Variants in FAM177A1 observed in about 807,000 individuals in gnomAD.
FAM177A1 encodes the protein protein FAM177A1.
FAM177A1 carries 22 observed loss-of-function variants against 26.1 expected under a neutral mutation model. The observed-to-expected ratio is 0.84, with a 90% CI of 0.60 to 1.20. The LOEUF is 1.20. FAM177A1 is among the 50% of genes most tolerant of loss of function. FAM177A1 has a pLI of 0.00. For synonymous variants in FAM177A1, 95 were observed against 99.3 expected (o/e 0.96, Z 0.26); for missense variants, 296 against 291.1 (o/e 1.02, Z -0.12).
chr14:35,070,332 TA>T (rs1162597532), intron 2 of FAM177A1, among the ~76,000 whole-genome samples: 2 of 147,546 alleles, frequency 1.4e-5, no homozygotes, highest in Admixed American at 6.8e-5. Context: ...CCTATAACAA[TA>T]TTTTTTTTTT....
At chr14:35,049,399 G>T (rs2139055564) in intron 1 of FAM177A1, among the ~76,000 whole-genome samples, 1 of 152,272 alleles carries the variant, frequency 6.6e-6, no homozygotes, top group Non-Finnish European at 1.5e-5. Flanking sequence ...TAGCCTAGTT[G>T]GGGAAGATGA....
chr14:35,071,479 A>C (rs1034074942), intron 2 of FAM177A1, among the ~76,000 whole-genome samples: 5 of 152,042 alleles, frequency 3.3e-5, no homozygotes, highest in African/African-American at 9.7e-5. Flanking sequence ...AAGACACAAG[A>C]TCTTGTCCCA....
At chr14:35,072,167 C>T (rs1403231547) in intron 2 of FAM177A1, among the ~76,000 whole-genome samples, 4 of 151,718 alleles carry the variant, frequency 2.6e-5, no homozygotes, top group South Asian at 2.1e-4. Flanking sequence ...CCCAGCTACT[C>T]GGGAGTCTGA....
intron 2 of FAM177A1, among the ~76,000 whole-genome samples, chr14:35,063,789 C>T (rs1366559262): frequency 2.0e-5 from 3 of 151,864 alleles, no homozygotes; most frequent in Admixed American, 2.0e-4. Flanking sequence ...CCTGTAATCC[C>T]AGCACTTTGG....
chr14:35,046,422 C>T lies in FAM177A1; in HGVS notation c.-42C>T, dbSNP rs768447281. 6.7e-7 allele frequency: 1 copy of T among 1,489,624 alleles called. No homozygotes were observed. The highest frequency in any genetic ancestry group is 1.4e-5 in the African/African-American group (1 of 69,666). 92.3% of individuals were successfully genotyped at this position (1,489,624 alleles called of 1,614,324 possible). A position where few individuals can be genotyped will look rare whatever the true frequency, so the allele number is the denominator to read the frequency against. ...CGCTGGGCGGGTGAGTCCCACTTCC[C>T]GACAGCCTGGCTCGGCCAGCGACTG... On this transcript the variant is annotated 5_prime_UTR_variant, in exon 1 of 5. Coordinates refer to ENST00000280987, the MANE Select transcript of FAM177A1 (RefSeq NM_173607.5).
chr14:35,070,307 A>G (rs542909987), intron 2 of FAM177A1, among the ~76,000 whole-genome samples: 309 of 151,384 alleles, frequency 2.0e-3, no homozygotes, highest in African/African-American at 7.2e-3. Context: ...TACAGGCATG[A>G]GCCACCGTGT....
intron 2 of FAM177A1, 103 bp from the exon 3 acceptor site, chr14:35,077,047 A>G (rs2045406881): frequency 4.6e-6 from 4 of 863,638 alleles, no homozygotes; most frequent in Non-Finnish European, 7.9e-6. Context: ...TACTGCCTAT[A>G]GAATATTCTC....
intron 2 of FAM177A1, among the ~76,000 whole-genome samples, chr14:35,063,421 AC>A (rs996479896): frequency 2.6e-5 from 4 of 151,390 alleles, no homozygotes; most frequent in African/African-American, 9.7e-5. Context: ...AAAAAAAAAT[AC>A]AAAAAATTAG....
intron 2 of FAM177A1, among the ~76,000 whole-genome samples, chr14:35,067,474 A>G (rs1166875114): frequency 6.6e-6 from 1 of 152,214 alleles, no homozygotes; most frequent in East Asian, 1.9e-4. Flanking sequence ...ATTGTGAATA[A>G]TGATGTAATA....
chr14:35,053,529 G>A (rs2045011577), intron 2 of FAM177A1, 78 bp downstream of exon 2: 1 of 1,343,340 alleles, frequency 7.4e-7, no homozygotes, highest in Non-Finnish European at 1.0e-6. Context: ...TTGAGTGGAA[G>A]GGACCTTTTG....
At chr14:35,048,275 C>T (rs573165357) in intron 1 of FAM177A1, among the ~76,000 whole-genome samples, 37 of 152,232 alleles carry the variant, frequency 2.4e-4, no homozygotes, top group South Asian at 1.2e-3. Flanking sequence ...TCACTACCTC[C>T]GCCCTGGATC....
At chr14:35,048,008 T>TA (rs2044901314) in intron 1 of FAM177A1, among the ~76,000 whole-genome samples, 1 of 152,084 alleles carries the variant, frequency 6.6e-6, no homozygotes, top group African/African-American at 2.4e-5. Flanking sequence ...ATCTCTTAAA[T>TA]AAAAAACTAA....
chr14:35,046,686 C>T (rs780983492), intron 1 of FAM177A1, 58 bp downstream of exon 1: 43 of 1,486,370 alleles, frequency 2.9e-5, no homozygotes, highest in Non-Finnish European at 3.9e-5. Context: ...TTGCCTTCTC[C>T]GCGGGCCGCT....
At chr14:35,079,640 T>A (rs1399419885) in intron 4 of FAM177A1, among the ~76,000 whole-genome samples, 2 of 152,158 alleles carry the variant, frequency 1.3e-5, no homozygotes, top group African/African-American at 2.4e-5. Flanking sequence ...AGCCTCAATC[T>A]CCTCATCTTT....
chr14:35,046,938 C>T (rs147027161), intron 1 of FAM177A1: 244 of 1,149,838 alleles, frequency 2.1e-4, no homozygotes, highest in Admixed American at 4.9e-4. Context: ...GCTGTCCTTG[C>T]AGTAGCTGGA....
intron 1 of FAM177A1, among the ~76,000 whole-genome samples, chr14:35,052,279 C>G (rs2044984496): frequency 6.6e-6 from 1 of 151,154 alleles, no homozygotes; most frequent in Non-Finnish European, 1.5e-5. Flanking sequence ...GAGTCTTGCT[C>G]TGTTGCCCAG....
chr14:35,078,153 G>A (rs2045425866), intron 3 of FAM177A1, among the ~76,000 whole-genome samples: 1 of 152,162 alleles, frequency 6.6e-6, no homozygotes, highest in African/African-American at 2.4e-5. Context: ...TGCTAGACAG[G>A]TTGGTGTAAT....
At chr14:35,071,276 C>T (rs974665707) in intron 2 of FAM177A1, among the ~76,000 whole-genome samples, 4 of 152,002 alleles carry the variant, frequency 2.6e-5, no homozygotes, top group Admixed American at 1.3e-4. Flanking sequence ...GGATTACAGG[C>T]GTGAGCCACT....
rs758078667 is a variant in FAM177A1 at position 35,081,181 on chromosome 14, GAAGT to G, written c.667_670del (p.Val223LeufsTer17). ...CAATTTTGAAATGGAGGGAGACAGT[GAAGT>G]AATTATGGAAAGCAAGCAAAATCCA... On this transcript the variant is annotated frameshift_variant, in exon 5 of 5. Transcript: ENST00000280987. LOFTEE classifies it high-confidence loss of function. 3.7e-6 allele frequency: 6 copies of G among 1,613,288 alleles called. No individual in the cohort carries two copies. The highest frequency in any genetic ancestry group is 5.1e-6 in the Non-Finnish European group (6 of 1,179,788).
Sources: gnomAD v4.1 joint callset for allele counts (sites outside exome capture counted in the v4.1 genomes callset) on GRCh38, gnomAD v4.1.1 for gene constraint, MANE v1.5 for transcripts, NCBI Gene and HGNC (gene_info 2026-07-23, HGNC 2026-07-21) for gene names.